HECW1: variants seen among roughly 807,000 people sequenced by gnomAD.
The protein encoded by HECW1 is E3 ubiquitin-protein ligase HECW1.
In HECW1, 61 loss-of-function variants were observed where a neutral mutation model predicts 182.3. The ratio of observed to expected loss-of-function variants is 0.33; its 90% CI spans 0.27 to 0.41. The LOEUF is 0.41. Among genes scored for constraint, HECW1 ranks in the 10% least tolerant of loss-of-function variants. The pLI is 1.00. For missense variants in HECW1, 1,739 were observed against 2,108.9 expected (o/e 0.82, Z 3.44); for synonymous variants, 859 against 832.6 (o/e 1.03, Z -0.55).
chr7:43,315,525 G>A (rs1487436927), intron 4 of HECW1, among the ~76,000 whole-genome samples: 4 of 151,020 alleles, frequency 2.6e-5, no homozygotes, highest in African/African-American at 7.3e-5. Flanking sequence ...ATGGAATCTC[G>A]CTCTGTTGCC....
At chr7:43,120,419 T>G (rs1460787621) in intron 2 of HECW1, among the ~76,000 whole-genome samples, 2 of 152,122 alleles carry the variant, frequency 1.3e-5, no homozygotes, top group African/African-American at 4.8e-5. Flanking sequence ...TAGTTTCTGC[T>G]TATGTGCTAT....
chr7:43,251,559 G>A (rs1450704399), intron 3 of HECW1, among the ~76,000 whole-genome samples: 7 of 152,058 alleles, frequency 4.6e-5, no homozygotes, highest in Non-Finnish European at 5.9e-5. Context: ...CAGGTGATCC[G>A]CCCACCTTGG....
intron 3 of HECW1, among the ~76,000 whole-genome samples, chr7:43,264,757 T>C (rs1801581409): frequency 6.8e-6 from 1 of 147,846 alleles, no homozygotes; most frequent in Non-Finnish European, 1.5e-5. Flanking sequence ...GGCAGGAGAA[T>C]GGCGTGAACC....
intron 2 of HECW1, chr7:43,147,544 AG>A (rs1310106059): frequency 1.3e-5 from 2 of 152,274 alleles, no homozygotes; most frequent in Non-Finnish European, 2.9e-5. Context: ...TTGGATGTCC[AG>A]AACTTGCTTA....
At chr7:43,195,512 T>C (rs144071042) in intron 2 of HECW1, among the ~76,000 whole-genome samples, 3 of 152,292 alleles carry the variant, frequency 2.0e-5, no homozygotes, top group East Asian at 1.9e-4. Context: ...ACGCCTCTTA[T>C]GTTACTGCCC....
intron 24 of HECW1, among the ~76,000 whole-genome samples, chr7:43,529,225 C>A (rs1163280861): frequency 6.6e-6 from 1 of 152,154 alleles, no homozygotes; most frequent in Non-Finnish European, 1.5e-5. Context: ...CAAGCTCGTT[C>A]TCACCTTGGA....
chr7:43,349,354 G>A (rs572618794), intron 5 of HECW1, among the ~76,000 whole-genome samples: 2 of 152,150 alleles, frequency 1.3e-5, no homozygotes, highest in East Asian at 1.9e-4. Flanking sequence ...AATGTTCTAT[G>A]TCTATCTGTT....
intron 5 of HECW1, among the ~76,000 whole-genome samples, chr7:43,337,961 T>C (rs1192302425): frequency 1.3e-5 from 2 of 152,242 alleles, no homozygotes; most frequent in African/African-American, 4.8e-5. Context: ...ATATGCACCA[T>C]GCCAGATGGC....
At chr7:43,299,699 G>A (rs1439657926) in intron 3 of HECW1, among the ~76,000 whole-genome samples, 1 of 152,168 alleles carries the variant, frequency 6.6e-6, no homozygotes, top group African/African-American at 2.4e-5. Context: ...AGAAATCATA[G>A]TAGCTAAGTG....
At chr7:43,220,323 C>A (rs151004257) in intron 2 of HECW1, among the ~76,000 whole-genome samples, 1 of 152,326 alleles carries the variant, frequency 6.6e-6, no homozygotes, top group Non-Finnish European at 1.5e-5. Flanking sequence ...ATTACCCTCC[C>A]AGCACAGAGT....
chr7:43,387,513 C>G (rs896290321), intron 6 of HECW1, among the ~76,000 whole-genome samples: 1 of 152,228 alleles, frequency 6.6e-6, no homozygotes, highest in Non-Finnish European at 1.5e-5. Flanking sequence ...CATCCATCTT[C>G]AGGTCTTTTA....
chr7:43,294,996 G>A (rs1169700172), intron 3 of HECW1, among the ~76,000 whole-genome samples: 1 of 152,126 alleles, frequency 6.6e-6, no homozygotes, highest in African/African-American at 2.4e-5. Context: ...ACAACGCCAA[G>A]CAGGGAGGGG....
At chr7:43,318,398 C>T (rs1809610289) in intron 4 of HECW1, among the ~76,000 whole-genome samples, 1 of 152,228 alleles carries the variant, frequency 6.6e-6, no homozygotes, top group South Asian at 2.1e-4. Context: ...TGAGCACACA[C>T]TGTGAATAAA....
At chr7:43,519,579 C>T (rs867952675) in intron 24 of HECW1, among the ~76,000 whole-genome samples, 14 of 152,212 alleles carry the variant, frequency 9.2e-5, no homozygotes, top group African/African-American at 3.4e-4. Context: ...TGGACTGCCG[C>T]ACAAAACACC....
chr7:43,294,566 T>C (rs934925038), intron 3 of HECW1, among the ~76,000 whole-genome samples: 1 of 152,206 alleles, frequency 6.6e-6, no homozygotes, highest in African/African-American at 2.4e-5. Flanking sequence ...GGCTAATACT[T>C]GGCTCCTCGG....
chr7:43,531,070 A>G (rs1431490736), intron 24 of HECW1, among the ~76,000 whole-genome samples: 2 of 152,204 alleles, frequency 1.3e-5, no homozygotes, highest in African/African-American at 4.8e-5. Flanking sequence ...CTCATTCTGT[A>G]TGCTCTAGTA....
chr7:43,200,375 T>G (rs1583937548), intron 2 of HECW1, among the ~76,000 whole-genome samples: 1 of 152,224 alleles, frequency 6.6e-6, no homozygotes, highest in East Asian at 1.9e-4. Flanking sequence ...AACTTAAGAA[T>G]GGAAAATTTT....
intron 19 of HECW1, among the ~76,000 whole-genome samples, chr7:43,496,604 C>T (rs1305333765): frequency 1.3e-5 from 2 of 152,094 alleles, no homozygotes; most frequent in Admixed American, 6.6e-5. Flanking sequence ...TCCTCAGGAC[C>T]CCACCCAGAA....
intron 7 of HECW1, among the ~76,000 whole-genome samples, chr7:43,397,370 G>T (rs1261669865): frequency 2.6e-5 from 4 of 152,208 alleles, no homozygotes. Context: ...TTAAGAGTAA[G>T]TTAACGTTTT....
Sources: gnomAD v4.1 joint callset for allele counts (sites outside exome capture counted in the v4.1 genomes callset) on GRCh38, gnomAD v4.1.1 for gene constraint, MANE v1.5 for transcripts, NCBI Gene and HGNC (gene_info 2026-07-23, HGNC 2026-07-21) for gene names.